Variants in LHX8 observed in about 807,000 individuals in gnomAD.
LHX8 encodes LIM/homeobox protein Lhx8.
Under a neutral mutation model 40.3 loss-of-function variants are expected in LHX8, and 12 were observed. That is an observed-to-expected ratio of 0.30 (90% confidence interval 0.19 to 0.48). The LOEUF (loss-of-function observed/expected upper bound fraction) is 0.48. LHX8 is among the 20% of genes least tolerant of loss of function. LHX8 has a pLI of 0.99. For synonymous variants in LHX8, 179 were observed against 162.0 expected (o/e 1.10, Z -0.80); for missense variants, 344 against 433.7 (o/e 0.79, Z 1.84).
At chr1:75,170,022 T>A in the LHX8 span, among the ~76,000 whole-genome samples, 2 of 152,226 alleles carry the variant, frequency 1.3e-5, no homozygotes, top group Non-Finnish European at 2.9e-5. Flanking sequence ...TTTCAGCAGA[T>A]ACCCCAGGTC....
the LHX8 span, among the ~76,000 whole-genome samples, chr1:75,190,725 A>G: frequency 6.6e-6 from 1 of 152,204 alleles, no homozygotes; most frequent in Non-Finnish European, 1.5e-5. Context: ...TTGTCTACAT[A>G]CATCTGTATA....
At chr1:75,164,967 C>T (rs753230616), downstream of LHX8, among the ~76,000 whole-genome samples, 11 of 152,150 alleles carry the variant, frequency 7.2e-5, no homozygotes, top group Non-Finnish European at 7.3e-5. Context: ...GCCACTACGT[C>T]CAGCCGAAAA....
Position 75,134,842 on chromosome 1 carries a change from G to T in LHX8, c.-125G>T. The stretch of plus-strand genomic sequence containing the variant: ...GGCAATTTTTTTTTTTTATTACGTA[G>T]TAGCGTTAGTCAGTAATCATTGCAC... On this transcript the variant is annotated 5_prime_UTR_variant, in exon 1 of 9. Transcript: ENST00000356261. The T allele has an allele frequency of 3.5e-6, 3 of 856,406 alleles. No homozygotes were observed. The highest frequency in any genetic ancestry group is 2.8e-6 in the Non-Finnish European group (2 of 712,346). 53.1% of individuals were successfully genotyped at this position (856,406 alleles called of 1,614,324 possible). A position where few individuals can be genotyped will look rare whatever the true frequency, so the allele number is the denominator to read the frequency against.
the LHX8 span, among the ~76,000 whole-genome samples, chr1:75,187,135 C>T: frequency 2.0e-5 from 3 of 152,118 alleles, no homozygotes; most frequent in Non-Finnish European, 2.9e-5. Flanking sequence ...AAATCAAAAG[C>T]TGAGCAACTT....
upstream of LHX8, chr1:75,130,941 C>T (rs1647944461): frequency 1.5e-6 from 1 of 645,478 alleles, no homozygotes; most frequent in Admixed American, 2.2e-5. Flanking sequence ...CTGCCAGAAT[C>T]CGCACCTTCT....
intron 3 of LHX8, among the ~76,000 whole-genome samples, chr1:75,138,560 C>G (rs947524460): frequency 1.3e-5 from 2 of 152,158 alleles, no homozygotes; most frequent in African/African-American, 4.8e-5. Flanking sequence ...TTCAATGTTT[C>G]TAAAACTGAG....
chr1:75,130,701 A>G (rs747758000), upstream of LHX8: 2 of 1,613,782 alleles, frequency 1.2e-6, no homozygotes, highest in African/African-American at 1.3e-5. Context: ...CAGCTCTGCC[A>G]TCTCTGAGGG....
chr1:75,137,087 C>T lies in LHX8; in HGVS notation c.76-13C>T. The stretch of plus-strand genomic sequence containing the variant: ...GGGGTCTAGAACCGCCTGCGCCTCG[C>T]GGTTTCCTGCAGGTGAGCCCCGAGG... On this transcript the variant is annotated splice_polypyrimidine_tract_variant and intron_variant, in intron 2 of 8. Coordinates refer to ENST00000356261, the MANE Select transcript of LHX8 (RefSeq NM_001256114.2). 6.3e-7 allele frequency: 1 copy of T among 1,595,906 alleles called. No individual in the cohort carries two copies. The highest frequency in any genetic ancestry group is 8.6e-7 in the Non-Finnish European group (1 of 1,168,894).
chr1:75,167,637 A>G, the LHX8 span, among the ~76,000 whole-genome samples: 8 of 152,156 alleles, frequency 5.3e-5, no homozygotes, highest in Admixed American at 4.6e-4. Context: ...CTACACTTTA[A>G]TAAGTTTTAT....
At chr1:75,169,122 C>G in the LHX8 span, among the ~76,000 whole-genome samples, 1 of 152,096 alleles carries the variant, frequency 6.6e-6, no homozygotes, top group African/African-American at 2.4e-5. Flanking sequence ...CACTTCACAC[C>G]CATGCACCCC....
the LHX8 span, among the ~76,000 whole-genome samples, chr1:75,168,544 T>C: frequency 6.6e-6 from 1 of 152,124 alleles, no homozygotes; most frequent in Admixed American, 6.6e-5. Context: ...TGTTTTCAAT[T>C]TGTCCTGGAT....
At chr1:75,145,127 C>T (rs770717527) in intron 6 of LHX8, among the ~76,000 whole-genome samples, 1 of 151,994 alleles carries the variant, frequency 6.6e-6, no homozygotes, top group Non-Finnish European at 1.5e-5. Context: ...AGTACATAGT[C>T]AATAAGCAAA....
chr1:75,148,509 C>T, intron 6 of LHX8, 78 bp from the exon 7 acceptor site: 2 of 971,596 alleles, frequency 2.1e-6, no homozygotes, highest in South Asian at 1.3e-5. Flanking sequence ...CATGTCTTAC[C>T]TCTTATGATA....
chr1:75,194,888 C>G, the LHX8 span, among the ~76,000 whole-genome samples: 2 of 152,120 alleles, frequency 1.3e-5, no homozygotes, highest in African/African-American at 2.4e-5. Flanking sequence ...CCCAAACATT[C>G]CTCTTTATAA....
chr1:75,156,313 C>T (rs1313935491), intron 7 of LHX8, among the ~76,000 whole-genome samples: 2 of 152,036 alleles, frequency 1.3e-5, no homozygotes, highest in Non-Finnish European at 2.9e-5. Context: ...GCAATCTGAG[C>T]TCACTGCAAC....
At chr1:75,196,985 T>A in the LHX8 span, among the ~76,000 whole-genome samples, 15 of 152,164 alleles carry the variant, frequency 9.9e-5, no homozygotes, top group African/African-American at 3.4e-4. Context: ...TCAAGAGCAA[T>A]TTATATGCCC....
At chr1:75,182,565 G>T in the LHX8 span, among the ~76,000 whole-genome samples, 2 of 151,910 alleles carry the variant, frequency 1.3e-5, no homozygotes, top group East Asian at 3.9e-4. Context: ...TAGAGACAGG[G>T]TTTCTCCATG....
the LHX8 span, among the ~76,000 whole-genome samples, chr1:75,189,633 C>T: frequency 6.6e-6 from 1 of 152,086 alleles, no homozygotes; most frequent in African/African-American, 2.4e-5. Context: ...TATCTAATAG[C>T]CCTTTGCTGA....
the LHX8 span, among the ~76,000 whole-genome samples, chr1:75,177,266 G>A: frequency 6.6e-6 from 1 of 152,162 alleles, no homozygotes; most frequent in African/African-American, 2.4e-5. Context: ...ACCTTGGGCA[G>A]TATGGCCATT....
Sources: allele counts gnomAD v4.1 joint callset (sites outside exome capture counted in the v4.1 genomes callset), GRCh38; gene constraint gnomAD v4.1.1; transcripts MANE v1.5; gene names NCBI Gene and HGNC (gene_info 2026-07-23, HGNC 2026-07-21).